ZNRF1: variants seen among roughly 807,000 people sequenced by gnomAD.
ZNRF1 encodes zinc and ring finger 1, also known as E3 ubiquitin-protein ligase ZNRF1.
ZNRF1 carries 3 observed loss-of-function variants against 18.4 expected under a neutral mutation model. The ratio of observed to expected loss-of-function variants is 0.16; its 90% CI spans 0.07 to 0.42. The LOEUF (loss-of-function observed/expected upper bound fraction) is 0.42. ZNRF1 is among the 10% of genes least tolerant of loss of function. The pLI is 0.99. For missense variants in ZNRF1, 310 were observed against 329.8 expected (o/e 0.94, Z 0.47); for synonymous variants, 157 against 144.2 (o/e 1.09, Z -0.64).
chr16:75,007,669 C>T (rs543496608), intron 1 of ZNRF1, among the ~76,000 whole-genome samples: 4 of 152,314 alleles, frequency 2.6e-5, no homozygotes, highest in African/African-American at 9.6e-5. Flanking sequence ...ATGCAGATGA[C>T]TGGACCCCAC....
chr16:75,058,983 A>G (rs2035703135), intron 1 of ZNRF1, among the ~76,000 whole-genome samples: 1 of 152,098 alleles, frequency 6.6e-6, no homozygotes, highest in Non-Finnish European at 1.5e-5. Context: ...AATATAAACA[A>G]CTAGATACTG....
chr16:75,104,581 G>T, intron 2 of ZNRF1: 2 of 459,462 alleles, frequency 4.4e-6, no homozygotes, highest in Non-Finnish European at 7.9e-6. Flanking sequence ...TTGTCTTTGG[G>T]TAATTAACAT....
At chr16:75,032,731 A>T (rs913429205) in intron 1 of ZNRF1, among the ~76,000 whole-genome samples, 4 of 152,190 alleles carry the variant, frequency 2.6e-5, no homozygotes, top group African/African-American at 9.6e-5. Flanking sequence ...CAATTAAAAA[A>T]TTTACAAAGG....
chr16:75,031,078 C>T (rs980956359), intron 1 of ZNRF1, among the ~76,000 whole-genome samples: 5 of 151,230 alleles, frequency 3.3e-5, no homozygotes, highest in Non-Finnish European at 5.9e-5. Flanking sequence ...CCTCATGATC[C>T]GCCCACCTCA....
At chr16:75,043,636 A>G (rs1275510249) in intron 1 of ZNRF1, among the ~76,000 whole-genome samples, 1 of 152,142 alleles carries the variant, frequency 6.6e-6, no homozygotes, top group Admixed American at 6.5e-5. Flanking sequence ...CATAGAGCTC[A>G]CAATCTGATA....
intron 1 of ZNRF1, among the ~76,000 whole-genome samples, chr16:75,043,111 C>A: frequency 6.6e-6 from 1 of 152,236 alleles, no homozygotes; most frequent in East Asian, 1.9e-4. Context: ...CAAGTTGAGA[C>A]TGATGCATTT....
At chr16:75,044,103 A>G (rs185575924) in intron 1 of ZNRF1, among the ~76,000 whole-genome samples, 8 of 152,232 alleles carry the variant, frequency 5.3e-5, no homozygotes, top group Admixed American at 1.3e-4. Context: ...GTGAGCCACC[A>G]TGCCCAGCTG....
intron 1 of ZNRF1, among the ~76,000 whole-genome samples, chr16:75,052,773 C>G (rs2035621581): frequency 6.6e-6 from 1 of 152,242 alleles, no homozygotes; most frequent in Non-Finnish European, 1.5e-5. Context: ...TTATCACAGA[C>G]TGTCTATACA....
chr16:75,003,687 G>T (rs1006728175), intron 1 of ZNRF1, among the ~76,000 whole-genome samples: 1 of 152,156 alleles, frequency 6.6e-6, no homozygotes, highest in Non-Finnish European at 1.5e-5. Context: ...TGGAGATTGC[G>T]CTGGCCTACG....
intron 1 of ZNRF1, among the ~76,000 whole-genome samples, chr16:75,085,616 C>T (rs2036063004): frequency 6.6e-6 from 1 of 152,150 alleles, no homozygotes; most frequent in Non-Finnish European, 1.5e-5. Context: ...AGACCTTTCC[C>T]CAAAGTGGCT....
chr16:75,107,725 C>T lies in ZNRF1; in HGVS notation c.*33-8C>T. 1 of 456,400 alleles carries T rather than the reference C, an allele frequency of 2.2e-6. No individual in the cohort carries two copies. The highest frequency in any genetic ancestry group is 1.5e-5 in the South Asian group (1 of 64,564). 28.3% of individuals were successfully genotyped at this position (456,400 alleles called of 1,614,324 possible). ...TGGAGCACGACTTATTTATTACGGT[C>T]CACACAGGGACAGAGCGCCCCTGCT... On this transcript the variant is annotated splice_polypyrimidine_tract_variant and splice_region_variant and intron_variant, in intron 4 of 4. Coordinates refer to ENST00000335325, the MANE Select transcript of ZNRF1 (RefSeq NM_032268.5).
intron 1 of ZNRF1, among the ~76,000 whole-genome samples, chr16:75,057,095 T>C (rs1196270675): frequency 6.6e-6 from 1 of 152,210 alleles, no homozygotes; most frequent in African/African-American, 2.4e-5. Flanking sequence ...TTGCATTTTC[T>C]TTCAGATTTG....
intron 2 of ZNRF1, among the ~76,000 whole-genome samples, chr16:75,096,385 C>T (rs1003707816): frequency 6.6e-6 from 1 of 152,118 alleles, no homozygotes; most frequent in Admixed American, 6.5e-5. Context: ...CAGGCACGCC[C>T]AGGGCCTGCT....
At chr16:75,008,067 A>AG (rs762683269) in intron 1 of ZNRF1, among the ~76,000 whole-genome samples, 5 of 151,666 alleles carry the variant, frequency 3.3e-5, no homozygotes, top group African/African-American at 9.7e-5. Context: ...TCGGTAGAGA[A>AG]GGGGTCTCAC....
chr16:75,005,394 A>G (rs1371331431), intron 1 of ZNRF1, among the ~76,000 whole-genome samples: 1 of 152,190 alleles, frequency 6.6e-6, no homozygotes, highest in Non-Finnish European at 1.5e-5. Flanking sequence ...CTACATTTTG[A>G]TATTAAACAA....
chr16:75,097,307 C>T (rs530088538), intron 2 of ZNRF1, among the ~76,000 whole-genome samples: 9 of 151,968 alleles, frequency 5.9e-5, no homozygotes, highest in South Asian at 2.1e-4. Flanking sequence ...GGAGATGACC[C>T]GCTTTTGACT....
At chr16:75,050,897 A>C (rs1259834491) in intron 1 of ZNRF1, among the ~76,000 whole-genome samples, 15 of 92,624 alleles carry the variant, frequency 1.6e-4, no homozygotes, top group African/African-American at 7.1e-4. Flanking sequence ...AACAAAAAAA[A>C]ACAAAAAACT....
At chr16:75,008,370 G>A (rs1240710713) in intron 1 of ZNRF1, among the ~76,000 whole-genome samples, 1 of 152,172 alleles carries the variant, frequency 6.6e-6, no homozygotes, top group Non-Finnish European at 1.5e-5. Flanking sequence ...TGAACAGAAG[G>A]TAATGGTGTC....
chr16:75,004,527 T>G (rs1048094857), intron 1 of ZNRF1, among the ~76,000 whole-genome samples: 2 of 152,238 alleles, frequency 1.3e-5, no homozygotes, highest in Non-Finnish European at 2.9e-5. Flanking sequence ...TGTATATATA[T>G]GTATGCACTT....
Sources: allele counts gnomAD v4.1 joint callset (sites outside exome capture counted in the v4.1 genomes callset), GRCh38; gene constraint gnomAD v4.1.1; transcripts MANE v1.5; gene names NCBI Gene and HGNC (gene_info 2026-07-23, HGNC 2026-07-21).